Variants in EFCAB13 observed in about 807,000 individuals in gnomAD.
EFCAB13 encodes the protein EF-hand calcium binding domain 13.
EFCAB13 carries 91 observed loss-of-function variants against 110.2 expected under a neutral mutation model. The ratio of observed to expected loss-of-function variants is 0.83; its 90% CI spans 0.70 to 0.98. The LOEUF is 0.98. Among genes scored for constraint, EFCAB13 ranks in the 50% least tolerant of loss-of-function variants. The probability of loss-of-function intolerance (pLI) is 0.00; values close to 1 mark genes in which losing one functional copy is unlikely to be tolerated. For missense variants in EFCAB13, 968 were observed against 1,119.4 expected (o/e 0.86, Z 1.93); for synonymous variants, 323 against 369.9 (o/e 0.87, Z 1.45).
intron 5 of EFCAB13, among the ~76,000 whole-genome samples, chr17:47,337,337 G>C (rs2065357050): frequency 6.6e-6 from 1 of 152,192 alleles, no homozygotes; most frequent in South Asian, 2.1e-4. Flanking sequence ...TGGACATACA[G>C]AGTAGAATAA....
At chr17:47,330,124 G>A (rs1233378895) in intron 4 of EFCAB13, among the ~76,000 whole-genome samples, 1 of 151,482 alleles carries the variant, frequency 6.6e-6, no homozygotes, top group Admixed American at 6.6e-5. Context: ...CAAACAGCCA[G>A]ATTTCAGGAG....
At chr17:47,434,415 A>G (rs1905174323) in intron 24 of EFCAB13, among the ~76,000 whole-genome samples, 1 of 152,184 alleles carries the variant, frequency 6.6e-6, no homozygotes, top group African/African-American at 2.4e-5. Flanking sequence ...AGTATCAGTG[A>G]CACAAACAAA....
chr17:47,423,673 C>G, intron 23 of EFCAB13: 1 of 452,692 alleles, frequency 2.2e-6, no homozygotes, highest in Non-Finnish European at 3.5e-6. Context: ...GCGCGGGGTC[C>G]GCACGACGTG....
chr17:47,393,753 T>A (rs552163480), intron 15 of EFCAB13, among the ~76,000 whole-genome samples: 58 of 132,266 alleles, frequency 4.4e-4, no homozygotes, highest in African/African-American at 1.6e-3. Context: ...AATAAATAAA[T>A]AAAAATAAAA....
intron 4 of EFCAB13, among the ~76,000 whole-genome samples, chr17:47,330,092 G>A (rs1401906854): frequency 6.6e-6 from 1 of 152,002 alleles, no homozygotes. Context: ...TTGATCGACT[G>A]GATGCCGCCA....
At chr17:47,340,125 T>A (rs2065375577) in intron 5 of EFCAB13, 1 of 152,182 alleles carries the variant, frequency 6.6e-6, no homozygotes, top group African/African-American at 2.4e-5. Flanking sequence ...TAAAATTATT[T>A]TGTCATTTTT....
Position 47,427,971 on chromosome 17 carries a change from T to G in EFCAB13, c.2495-1847T>G, listed in dbSNP as rs1905018869. On this transcript the variant is annotated intron_variant, in intron 23 of 24. Transcript: ENST00000331493. ...TTAAAAAAGGGTTGCAAATTGGTGG[T>G]GTGTGTATATGAAAAACAACATTGT... 4.6e-5 allele frequency among the ~76,000 whole-genome samples: 7 copies of G among 152,014 alleles called. No individual in the cohort carries two copies. The South Asian group carries it at 1.5e-3, about 32-fold the overall frequency.
At chr17:47,393,518 C>T (rs751059095) in intron 15 of EFCAB13, among the ~76,000 whole-genome samples, 11 of 151,944 alleles carry the variant, frequency 7.2e-5, no homozygotes, top group Non-Finnish European at 1.2e-4. Context: ...GTGGTATACA[C>T]CATTGTGTAT....
At position 47,324,452 on chromosome 17, in the gene EFCAB13, A is replaced by G. The variant is rs1388006936; in HGVS notation, c.-317-2A>G. On this transcript the variant is annotated splice_acceptor_variant, in intron 1 of 24. Coordinates refer to ENST00000331493, the MANE Select transcript of EFCAB13 (RefSeq NM_152347.5). LOFTEE classifies it low-confidence loss of function (5UTR_SPLICE). ...GCTTACAGGTCCTCTTTCTTCCTGTAGAAGTCGTTGGCTTCGTAAGAGCAG... is the reference window on the plus strand; with the variant it reads ...GCTTACAGGTCCTCTTTCTTCCTGTGGAAGTCGTTGGCTTCGTAAGAGCAG... 3.3e-5 allele frequency: 5 copies of G among 152,114 alleles called. No homozygotes were observed. Among genetic ancestry groups the G allele is most frequent in the African/African-American group, 1.2e-4 (5 of 41,382 alleles). The allele number at this position is 152,114 out of a possible 1,614,324, so 9.4% of individuals were successfully genotyped here.
Position 47,404,070 on chromosome 17 carries a change from G to T in EFCAB13, c.2161+49G>T, listed in dbSNP as rs778604410. 2.8e-6 allele frequency: 4 copies of T among 1,444,692 alleles called. No individual in the cohort carries two copies. In the South Asian group the frequency reaches 5.3e-5, roughly 19 times the overall value. The allele number at this position is 1,444,692 out of a possible 1,614,324, so 89.5% of individuals were successfully genotyped here. On this transcript the variant is annotated intron_variant, in intron 19 of 24. Transcript: ENST00000331493. Reference sequence around the variant, plus strand: ...CAGGTTTTTTTTTTGTAGGAGTAAAGAAGATGTGCAAGGTCTATAGGTATT... The same window carrying T: ...CAGGTTTTTTTTTTGTAGGAGTAAATAAGATGTGCAAGGTCTATAGGTATT...
intron 11 of EFCAB13, among the ~76,000 whole-genome samples, 172 bp downstream of exon 11, chr17:47,370,680 T>C (rs2065576866): frequency 6.6e-6 from 1 of 152,064 alleles, no homozygotes; most frequent in Non-Finnish European, 1.5e-5. Flanking sequence ...TTACATGTCC[T>C]CTTTTTAGAA....
intron 9 of EFCAB13, among the ~76,000 whole-genome samples, chr17:47,350,131 A>G (rs1449174947): frequency 6.6e-6 from 1 of 152,146 alleles, no homozygotes; most frequent in African/African-American, 2.4e-5. Flanking sequence ...TCAAAAGTAT[A>G]GAAGATAATA....
chr17:47,439,934 AT>A lies in EFCAB13; in HGVS notation c.2639-488del, dbSNP rs932961632. On this transcript the variant is annotated intron_variant, in intron 24 of 24. Transcript: ENST00000331493. ...AATGTATGTTCTGAAAGTATCTTGA[AT>A]TTTTTTTTCATTGTTGTACTGCCGA... 4.0e-5 allele frequency among the ~76,000 whole-genome samples: 6 copies of A among 151,190 alleles called. No homozygotes were observed. The East Asian group carries it at 7.8e-4, about 20-fold the overall frequency.
At chr17:47,422,130 A>G (rs1369089263) in intron 23 of EFCAB13, among the ~76,000 whole-genome samples, 4 of 151,592 alleles carry the variant, frequency 2.6e-5, no homozygotes, top group African/African-American at 9.7e-5. Flanking sequence ...TTAGGAGTGC[A>G]ATATTGGTAT....
chr17:47,428,418 T>C (rs552618451), intron 23 of EFCAB13, among the ~76,000 whole-genome samples: 1 of 152,234 alleles, frequency 6.6e-6, no homozygotes, highest in East Asian at 1.9e-4. Context: ...CCAATATCCA[T>C]ATTTTACCTT....
chr17:47,326,944 A>G (rs1234037664), intron 3 of EFCAB13, among the ~76,000 whole-genome samples: 1 of 152,234 alleles, frequency 6.6e-6, no homozygotes, highest in Non-Finnish European at 1.5e-5. Flanking sequence ...TAATACTTGC[A>G]GTTAAACTTT....
rs771713353 is a variant in EFCAB13 at position 47,429,809 on chromosome 17, C to T, written c.2495-9C>T. ...TGTTGAAACATTTGCTTTTGCTCTC[C>T]TTTTGCAGCTACACAGATACTCTTA... is the stretch of plus-strand genomic sequence containing the variant. On this transcript the variant is annotated splice_polypyrimidine_tract_variant and intron_variant, in intron 23 of 24. Coordinates refer to ENST00000331493, the MANE Select transcript of EFCAB13 (RefSeq NM_152347.5). The T allele has an allele frequency of 1.3e-6, 2 of 1,577,400 alleles. No homozygotes were observed. Among genetic ancestry groups the T allele is most frequent in the Non-Finnish European group, 1.7e-6 (2 of 1,156,326 alleles).
intron 9 of EFCAB13, among the ~76,000 whole-genome samples, chr17:47,349,865 C>T (rs898072225): frequency 5.3e-5 from 8 of 149,618 alleles, no homozygotes; most frequent in African/African-American, 2.0e-4. Flanking sequence ...AGCTCCGCTT[C>T]CCGGGTTCAC....
intron 14 of EFCAB13, among the ~76,000 whole-genome samples, chr17:47,390,449 C>T (rs2065700594): frequency 6.6e-6 from 1 of 151,980 alleles, no homozygotes; most frequent in African/African-American, 2.4e-5. Flanking sequence ...TTCCAGTTAG[C>T]CAACCTTCTT....
Sources: allele counts gnomAD v4.1 joint callset (sites outside exome capture counted in the v4.1 genomes callset), GRCh38; gene constraint gnomAD v4.1.1; transcripts MANE v1.5; gene names NCBI Gene and HGNC (gene_info 2026-07-23, HGNC 2026-07-21).